PRKAA2: variants seen among roughly 807,000 people sequenced by gnomAD.
PRKAA2 encodes the protein 5'-AMP-activated protein kinase catalytic subunit alpha-2.
A neutral mutation model predicts 56.3 loss-of-function variants in PRKAA2; 40 were observed. The ratio of observed to expected loss-of-function variants is 0.71; its 90% CI spans 0.55 to 0.92. The LOEUF (loss-of-function observed/expected upper bound fraction) is 0.92. Among genes scored for constraint, PRKAA2 ranks in the 40% least tolerant of loss-of-function variants. The pLI is 0.00. For synonymous variants in PRKAA2, 214 were observed against 234.2 expected (o/e 0.91, Z 0.79); for missense variants, 542 against 686.9 (o/e 0.79, Z 2.36).
chr1:56,694,642 A>C (rs1485136446), intron 5 of PRKAA2, among the ~76,000 whole-genome samples: 1 of 152,012 alleles, frequency 6.6e-6, no homozygotes, highest in East Asian at 1.9e-4. Flanking sequence ...GTAACTTCAC[A>C]TGGTGAAAGG....
At chr1:56,700,496 T>C (rs1358739082) in intron 6 of PRKAA2, among the ~76,000 whole-genome samples, 1 of 152,190 alleles carries the variant, frequency 6.6e-6, no homozygotes, top group African/African-American at 2.4e-5. Flanking sequence ...CCCAGAAATA[T>C]ATCAGAGCTT....
chr1:56,706,475 G>A (rs1240260235), intron 8 of PRKAA2, among the ~76,000 whole-genome samples: 1 of 152,184 alleles, frequency 6.6e-6, no homozygotes. Context: ...CACAAGTAAG[G>A]AACAACAGGG....
intron 7 of PRKAA2, among the ~76,000 whole-genome samples, chr1:56,705,655 C>T (rs1215490979): frequency 6.6e-6 from 1 of 152,204 alleles, no homozygotes; most frequent in Non-Finnish European, 1.5e-5. Flanking sequence ...CCACCTTGGC[C>T]TCCCAAAGTG....
At chr1:56,669,884 C>G (rs1284769114) in intron 1 of PRKAA2, among the ~76,000 whole-genome samples, 1 of 152,226 alleles carries the variant, frequency 6.6e-6, no homozygotes, top group African/African-American at 2.4e-5. Flanking sequence ...GTTCCCAGTT[C>G]TGCCTTCTGG....
At chr1:56,684,065 G>T (rs1644174422) in intron 2 of PRKAA2, among the ~76,000 whole-genome samples, 3 of 152,140 alleles carry the variant, frequency 2.0e-5, no homozygotes, top group African/African-American at 7.2e-5. Flanking sequence ...AAGTAAGCAT[G>T]TTTTGTATGT....
intron 1 of PRKAA2, among the ~76,000 whole-genome samples, chr1:56,647,352 T>C (rs957950769): frequency 1.3e-5 from 2 of 152,254 alleles, no homozygotes; most frequent in East Asian, 1.9e-4. Context: ...CTTAACCCTA[T>C]GTCCTTTCAT....
intron 2 of PRKAA2, among the ~76,000 whole-genome samples, chr1:56,685,015 T>A (rs561655168): frequency 6.6e-6 from 1 of 152,238 alleles, no homozygotes; most frequent in Admixed American, 6.5e-5. Context: ...AGTGCATAAC[T>A]GGAGGAGTTA....
At chr1:56,669,329 C>T (rs184730448) in intron 1 of PRKAA2, among the ~76,000 whole-genome samples, 53 of 151,964 alleles carry the variant, frequency 3.5e-4, no homozygotes, top group African/African-American at 1.2e-3. Context: ...TGTGGTGGTG[C>T]GTGCCTGTAA....
rs1644396408 is a variant in PRKAA2 at position 56,715,010 on chromosome 1, T to C, written c.*7297T>C. On this transcript the variant is annotated 3_prime_UTR_variant, in exon 9 of 9. Coordinates refer to ENST00000371244, the MANE Select transcript of PRKAA2 (RefSeq NM_006252.4). ...TAATTGTTGAAATTGGGACCACTTTTTATAATTGGTTTCAAGAAAAAAAAA... is the reference window on the plus strand; with the variant it reads ...TAATTGTTGAAATTGGGACCACTTTCTATAATTGGTTTCAAGAAAAAAAAA... The C allele has an allele frequency of 7.0e-6, 1 of 142,086 alleles. No homozygotes were observed. The highest frequency in any genetic ancestry group is 2.5e-5 in the African/African-American group (1 of 40,342). 8.8% of individuals were successfully genotyped at this position (142,086 alleles called of 1,614,324 possible). A position where few individuals can be genotyped will look rare whatever the true frequency, so the allele number is the denominator to read the frequency against.
chr1:56,685,095 G>A (rs1308122772), intron 2 of PRKAA2, among the ~76,000 whole-genome samples: 1 of 152,084 alleles, frequency 6.6e-6, no homozygotes, highest in African/African-American at 2.4e-5. Context: ...TAGAAATGAG[G>A]CATTCAAAGA....
intron 1 of PRKAA2, among the ~76,000 whole-genome samples, chr1:56,650,007 A>G (rs545736529): frequency 6.6e-6 from 1 of 152,238 alleles, no homozygotes. Flanking sequence ...AGGCAGGAGA[A>G]TCACTTGGAC....
At chr1:56,656,482 A>C (rs973861205) in intron 1 of PRKAA2, among the ~76,000 whole-genome samples, 1 of 152,132 alleles carries the variant, frequency 6.6e-6, no homozygotes, top group African/African-American at 2.4e-5. Context: ...GAGGACTACA[A>C]ATGGACATGT....
At position 56,714,309 on chromosome 1, in the gene PRKAA2, T is replaced by A. The variant is rs1282961629; in HGVS notation, c.*6596T>A. On this transcript the variant is annotated 3_prime_UTR_variant, in exon 9 of 9. Coordinates refer to ENST00000371244, the MANE Select transcript of PRKAA2 (RefSeq NM_006252.4). ...ACGTAACCTCATTTAGTTTTTTGAT[T>A]TACAAAATGTGGATAATAACCTACC... 1 of 152,110 alleles carries A rather than the reference T, an allele frequency of 6.6e-6. No individual in the cohort carries two copies. Among genetic ancestry groups the A allele is most frequent in the Non-Finnish European group, 1.5e-5 (1 of 67,994 alleles). The allele number at this position is 152,110 out of a possible 1,614,324, so 9.4% of individuals were successfully genotyped here.
At chr1:56,657,307 A>AT (rs540533670) in intron 1 of PRKAA2, among the ~76,000 whole-genome samples, 13 of 151,890 alleles carry the variant, frequency 8.6e-5, no homozygotes, top group Non-Finnish European at 1.6e-4. Flanking sequence ...ATGGAATGGA[A>AT]TTTTTTTTTA....
intron 2 of PRKAA2, among the ~76,000 whole-genome samples, chr1:56,690,157 A>T (rs1254732556): frequency 1.3e-5 from 2 of 150,490 alleles, no homozygotes; most frequent in Non-Finnish European, 3.0e-5. Flanking sequence ...GCATAGTATC[A>T]TCACATCTTT....
chr1:56,649,823 G>A (rs1646672748), intron 1 of PRKAA2, among the ~76,000 whole-genome samples: 1 of 152,092 alleles, frequency 6.6e-6, no homozygotes, highest in African/African-American at 2.4e-5. Flanking sequence ...GGCCAGGCAC[G>A]GCGGCTCACG....
rs369147720 is a variant in PRKAA2, at chr1:56,696,210, A to G, written c.788+51A>G. On this transcript the variant is annotated intron_variant, in intron 6 of 8. Coordinates refer to ENST00000371244, the MANE Select transcript of PRKAA2 (RefSeq NM_006252.4). ...TGCATATTTTCTCATAGGAATAATA[A>G]TGTTAATTAAATGATTCTCCCAAAG... is the stretch of plus-strand genomic sequence containing the variant. 6.1e-5 allele frequency: 91 copies of G among 1,501,804 alleles called. No individual in the cohort carries two copies. In the African/African-American group the frequency reaches 1.2e-3, roughly 20 times the overall value. The allele number at this position is 1,501,804 out of a possible 1,614,324, so 93.0% of individuals were successfully genotyped here.
At position 56,645,363 on chromosome 1, in the gene PRKAA2, T is replaced by A; in HGVS notation, c.-25T>A. 1 of 1,441,916 alleles carries A rather than the reference T, an allele frequency of 6.9e-7. No homozygotes were observed. Among genetic ancestry groups the A allele is most frequent in the Non-Finnish European group, 9.2e-7 (1 of 1,086,056 alleles). 89.3% of individuals were successfully genotyped at this position (1,441,916 alleles called of 1,614,324 possible). On this transcript the variant is annotated 5_prime_UTR_variant, in exon 1 of 9. Coordinates refer to ENST00000371244, the MANE Select transcript of PRKAA2 (RefSeq NM_006252.4). ...GGCGGCTACGCGGAGCGGCAGGCGG[T>A]GGAGCGAGGCCGCGCGCGCCGAAGA...
chr1:56,697,115 G>T (rs6699564), intron 6 of PRKAA2, among the ~76,000 whole-genome samples: 11,789 of 145,640 alleles, frequency 0.081, 898 homozygotes, highest in African/African-American at 0.2. Flanking sequence ...CCAAGCTGAG[G>T]TGTTCCTCCC....
Sources: allele counts gnomAD v4.1 joint callset (sites outside exome capture counted in the v4.1 genomes callset), GRCh38; gene constraint gnomAD v4.1.1; transcripts MANE v1.5; gene names NCBI Gene and HGNC (gene_info 2026-07-23, HGNC 2026-07-21).